Variants in PPP3CB observed in about 807,000 individuals in gnomAD.
The protein encoded by PPP3CB is serine/threonine-protein phosphatase 2B catalytic subunit beta isoform.
In PPP3CB, 8 loss-of-function variants were observed where a neutral mutation model predicts 66.4. That is an observed-to-expected ratio of 0.12 (90% CI 0.07 to 0.22). The LOEUF (loss-of-function observed/expected upper bound fraction) is 0.22, where lower values mean the gene tolerates loss of function less well. Ranked by LOEUF, PPP3CB falls within the 10% of genes least tolerant of loss-of-function variation. The pLI, the probability that PPP3CB is intolerant of heterozygous loss-of-function variation, is 1.00. For synonymous variants in PPP3CB, 208 were observed against 221.2 expected (o/e 0.94, Z 0.53); for missense variants, 319 against 642.5 (o/e 0.50, Z 5.44).
rs35129439 is a variant in PPP3CB at position 73,457,260 on chromosome 10, G to GAAAA, written c.1109-2775_1109-2772dup. Among the ~76,000 whole-genome samples, 110 of 69,032 alleles carry GAAAA rather than the reference G, an allele frequency of 1.6e-3. 2 individuals are homozygous for GAAAA. Among genetic ancestry groups the GAAAA allele is most frequent in the Non-Finnish European group, 2.2e-3 (77 of 34,324 alleles). 45.3% of individuals were successfully genotyped at this position (69,032 alleles called of 152,430 possible). The stretch of plus-strand genomic sequence containing the variant: ...ACACAAAGATCCCATCTCTAAAAAA[G>GAAAA]AAAAAAAAAAAAAAAAAAAAAAAAA... On this transcript the variant is annotated intron_variant, in intron 9 of 13. Transcript: ENST00000360663.
intron 1 of PPP3CB, among the ~76,000 whole-genome samples, chr10:73,481,470 A>AAT (rs143321409): frequency 0.017 from 2,428 of 146,906 alleles, 30 homozygotes; most frequent in Non-Finnish European, 0.021. Context: ...GACTCCATCA[A>AAT]ATATATATAT....
intron 9 of PPP3CB, among the ~76,000 whole-genome samples, chr10:73,461,333 G>A (rs1434012815): frequency 6.6e-6 from 1 of 152,114 alleles, no homozygotes; most frequent in African/African-American, 2.4e-5. Flanking sequence ...TGTAGTCCCA[G>A]CTATTTGGGG....
At chr10:73,455,327 C>T (rs2056408745) in intron 9 of PPP3CB, among the ~76,000 whole-genome samples, 1 of 152,118 alleles carries the variant, frequency 6.6e-6, no homozygotes, top group South Asian at 2.1e-4. Context: ...TTCTCTTTTC[C>T]CTTGGTTCCC....
chr10:73,461,508 G>C (rs2056520760), intron 9 of PPP3CB, among the ~76,000 whole-genome samples: 1 of 152,052 alleles, frequency 6.6e-6, no homozygotes, highest in Admixed American at 6.5e-5. Context: ...CATAGTGTCT[G>C]AACCCCTTTT....
At chr10:73,455,606 T>C (rs148048128) in intron 9 of PPP3CB, among the ~76,000 whole-genome samples, 2,007 of 152,338 alleles carry the variant, frequency 0.013, 19 homozygotes, top group Non-Finnish European at 0.022. Context: ...AGTCTCGCTG[T>C]CGCCCAGGTT....
chr10:73,478,448 C>A (rs746240692), intron 3 of PPP3CB, 51 bp downstream of exon 3: 4 of 1,504,896 alleles, frequency 2.7e-6, no homozygotes, highest in Non-Finnish European at 3.6e-6. Context: ...TAAGTGAAAG[C>A]ATCTGTGTTA....
At chr10:73,488,062 G>C (rs2057015847) in intron 1 of PPP3CB, among the ~76,000 whole-genome samples, 1 of 152,058 alleles carries the variant, frequency 6.6e-6, no homozygotes, top group African/African-American at 2.4e-5. Context: ...GTTAGGGTCA[G>C]GCAAGTTTTA....
At chr10:73,444,415 A>T in intron 12 of PPP3CB, 1 of 657,498 alleles carries the variant, frequency 1.5e-6, no homozygotes, top group Non-Finnish European at 2.4e-6. Flanking sequence ...TTAAAAGAAA[A>T]GGGTGAATTA....
At chr10:73,471,420 A>T in intron 5 of PPP3CB, 48 bp downstream of exon 5, 1 of 1,543,980 alleles carries the variant, frequency 6.5e-7, no homozygotes, top group Non-Finnish European at 8.8e-7. Flanking sequence ...TCTACTCAAC[A>T]ATGTACTATA....
chr10:73,465,251 T>C (rs2056600503), intron 9 of PPP3CB, among the ~76,000 whole-genome samples: 1 of 152,204 alleles, frequency 6.6e-6, no homozygotes, highest in Non-Finnish European at 1.5e-5. Flanking sequence ...AGGGTTTTGC[T>C]ATATTGTCTA....
chr10:73,483,204 C>A (rs572253023), intron 1 of PPP3CB, among the ~76,000 whole-genome samples: 1 of 152,332 alleles, frequency 6.6e-6, no homozygotes, highest in East Asian at 1.9e-4. Flanking sequence ...CAACTCAAGG[C>A]ACACTTCTAC....
chr10:73,474,628 TG>T (rs2056759787), intron 4 of PPP3CB, among the ~76,000 whole-genome samples: 1 of 151,114 alleles, frequency 6.6e-6, no homozygotes, highest in South Asian at 2.1e-4. Context: ...TTGGTGGAGA[TG>T]GGGTTTCACC....
intron 3 of PPP3CB, among the ~76,000 whole-genome samples, chr10:73,477,855 T>A (rs953380290): frequency 2.6e-5 from 4 of 151,902 alleles, no homozygotes; most frequent in Non-Finnish European, 2.9e-5. Context: ...AGGTCAAGGC[T>A]ACATTGAGCC....
chr10:73,479,607 G>A, intron 1 of PPP3CB, 90 bp from the exon 2 acceptor site: 1 of 1,223,570 alleles, frequency 8.2e-7, no homozygotes, highest in Non-Finnish European at 1.1e-6. Flanking sequence ...ACTAAAAACT[G>A]TAAAGCAGGG....
intron 5 of PPP3CB, 39 bp downstream of exon 5, chr10:73,471,429 T>C (rs2056699768): frequency 1.3e-6 from 2 of 1,562,362 alleles, no homozygotes; most frequent in East Asian, 2.2e-5. Flanking sequence ...CAATGTACTA[T>C]AAATAGAAAT....
At chr10:73,439,224 CT>C (rs1027399977) in intron 13 of PPP3CB, among the ~76,000 whole-genome samples, 2 of 152,100 alleles carry the variant, frequency 1.3e-5, no homozygotes, top group Non-Finnish European at 2.9e-5. Flanking sequence ...AATCTGGTTG[CT>C]TAATATCTGC....
intron 11 of PPP3CB, among the ~76,000 whole-genome samples, chr10:73,445,093 A>T (rs2056225960): frequency 6.6e-6 from 1 of 152,204 alleles, no homozygotes; most frequent in African/African-American, 2.4e-5. Flanking sequence ...CTATTGAGAA[A>T]ATATGGTATT....
In PPP3CB at chr10:73,496,009, G is replaced by A. The variant is rs1218602105; in HGVS notation, c.-120C>T. The A allele has an allele frequency of 1.4e-5, 8 of 586,564 alleles. No individual in the cohort carries two copies. Among genetic ancestry groups the A allele is most frequent in the African/African-American group, 1.9e-5 (1 of 51,428 alleles). The allele number at this position is 586,564 out of a possible 1,614,324, so 36.3% of individuals were successfully genotyped here. On this transcript the variant is annotated 5_prime_UTR_variant, in exon 1 of 14. Coordinates refer to ENST00000360663, the MANE Select transcript of PPP3CB (RefSeq NM_021132.4). ...TGGCGGACCCTCTTTCCCTACAGAG[G>A]GGCTAAGACCGGCATGCACTGCGCG...
chr10:73,490,856 C>T (rs1479919006), intron 1 of PPP3CB, among the ~76,000 whole-genome samples: 3 of 151,674 alleles, frequency 2.0e-5, no homozygotes, highest in Admixed American at 6.6e-5. Flanking sequence ...TTATTTGAGA[C>T]GGAATATCGC....
Sources: allele counts gnomAD v4.1 joint callset (sites outside exome capture counted in the v4.1 genomes callset), GRCh38; gene constraint gnomAD v4.1.1; transcripts MANE v1.5; gene names NCBI Gene and HGNC (gene_info 2026-07-23, HGNC 2026-07-21).